Variants in GPHN observed in about 807,000 individuals in gnomAD.
GPHN encodes the protein gephyrin.
In GPHN, 17 loss-of-function variants were observed where a neutral mutation model predicts 95.5. That is an observed-to-expected ratio of 0.18 (90% CI 0.12 to 0.27). The LOEUF (loss-of-function observed/expected upper bound fraction) is 0.27, where lower values mean the gene tolerates loss of function less well. GPHN is among the 10% of genes least tolerant of loss of function. The pLI is 1.00. For synonymous variants in GPHN, 320 were observed against 322.5 expected (o/e 0.99, Z 0.08); for missense variants, 660 against 978.1 (o/e 0.67, Z 4.34).
the GPHN span, among the ~76,000 whole-genome samples, chr14:67,566,745 T>C: frequency 2.7e-5 from 3 of 110,214 alleles, no homozygotes; most frequent in African/African-American, 1.1e-4. Context: ...CCAGACCCTG[T>C]CTTGAAAAAA....
chr14:66,623,891 G>C (rs1472912059), intron 1 of GPHN, among the ~76,000 whole-genome samples: 1 of 152,144 alleles, frequency 6.6e-6, no homozygotes, highest in African/African-American at 2.4e-5. Context: ...TGAAGGGGAA[G>C]AGCTACCGTA....
chr14:66,884,046 T>C (rs2064059394), intron 5 of GPHN, among the ~76,000 whole-genome samples: 1 of 152,088 alleles, frequency 6.6e-6, no homozygotes, highest in Admixed American at 6.6e-5. Context: ...TTTGCAATTA[T>C]GTAGTTGTAC....
At chr14:67,719,372 T>C in the GPHN span, among the ~76,000 whole-genome samples, 19,231 of 152,282 alleles carry the variant, frequency 0.13, 1,481 homozygotes, top group South Asian at 0.33. Flanking sequence ...AGACAGGATG[T>C]AAGCCATCAG....
chr14:67,600,423 A>G, the GPHN span: 3 of 523,212 alleles, frequency 5.7e-6, no homozygotes, highest in East Asian at 1.0e-4. Context: ...CGTCGGGGCA[A>G]TAGTTAAGTG....
chr14:67,586,081 G>C, the GPHN span: 2 of 1,613,836 alleles, frequency 1.2e-6, no homozygotes, highest in Non-Finnish European at 1.7e-6. Flanking sequence ...TTGATCTTCC[G>C]GATGGCTGCT....
At chr14:67,010,243 A>T (rs961017154) in intron 9 of GPHN, among the ~76,000 whole-genome samples, 1 of 151,940 alleles carries the variant, frequency 6.6e-6, no homozygotes, top group African/African-American at 2.4e-5. Context: ...GGAGTTCTAC[A>T]GATAATATAG....
At position 67,016,568 on chromosome 14, in the gene GPHN, T is replaced by G. The variant is rs545491335; in HGVS notation, c.964-7065T>G. ...ATTTCTCTGTCCCAGTGAATGGACC[T>G]GTCTTTTACCCACAAGATTCTCTCA... On this transcript the variant is annotated intron_variant, in intron 9 of 22. Transcript: ENST00000478722. 5.5e-3 allele frequency among the ~76,000 whole-genome samples: 841 copies of G among 152,276 alleles called. 10 individuals carry two copies. The highest frequency in any genetic ancestry group is 8.8e-3 in the Non-Finnish European group (600 of 67,980).
At chr14:67,673,866 G>A in the GPHN span, among the ~76,000 whole-genome samples, 1 of 152,042 alleles carries the variant, frequency 6.6e-6, no homozygotes, top group South Asian at 2.1e-4. Flanking sequence ...TTCAAAACAA[G>A]ACCACATCTA....
At chr14:67,691,308 G>A in the GPHN span, 2 of 1,086,476 alleles carry the variant, frequency 1.8e-6, no homozygotes, top group Non-Finnish European at 2.8e-6. Flanking sequence ...TTAGAAAGCT[G>A]CCTCACGCTC....
Position 66,922,808 on chromosome 14 carries a change from G to C in GPHN, c.599G>C (p.Ser200Thr). 1 of 1,612,144 alleles carries C rather than the reference G, an allele frequency of 6.2e-7. No homozygotes were observed. Among genetic ancestry groups the C allele is most frequent in the Admixed American group, 1.7e-5 (1 of 59,830 alleles). The change falls in exon 7 of 23, where the codon AGC becomes ACC. Residue 200 changes from serine to threonine, a missense_variant. By Grantham distance (58) the Ser-to-Thr change is moderately conservative (BLOSUM62 1). Around this residue, in one of 6 missense-constraint regions of GPHN, gnomAD observed 190 missense variants for 224.7 expected, o/e 0.85. Transcript: ENST00000478722. The stretch of plus-strand genomic sequence containing the variant: ...CCTCTTTCCCCTCCTCCTACTACCA[G>C]CCCCCATAAACAGACAGAAGACAAA... ...PPPLSPPPTT[S>T]PHKQTEDKGV...
the GPHN span, among the ~76,000 whole-genome samples, chr14:67,478,342 C>A: frequency 1.3e-5 from 2 of 152,208 alleles, no homozygotes; most frequent in Admixed American, 1.3e-4. Context: ...TAACTCCCAC[C>A]CTTACCACCT....
the GPHN span, chr14:67,578,344 G>A: frequency 1.2e-6 from 1 of 802,020 alleles, no homozygotes; most frequent in Non-Finnish European, 2.0e-6. This position sits in a 1 kb window ranked among gnomAD's most constrained non-coding sequence, Gnocchi z 5.0. Context: ...CAGTACGGCT[G>A]AGCTGTCTAT....
chr14:67,390,564 G>A, the GPHN span: 2 of 837,390 alleles, frequency 2.4e-6, no homozygotes, highest in African/African-American at 1.6e-5. Context: ...GGGTGCCAGG[G>A]GAAGGCAGGA....
the GPHN span, among the ~76,000 whole-genome samples, chr14:67,323,233 G>GTA: frequency 0.02 from 295 of 14,920 alleles, 1 homozygote; most frequent in African/African-American, 0.025. Context: ...ATATATACAC[G>GTA]TGTGTGTGTG....
At chr14:67,438,126 T>C in the GPHN span, among the ~76,000 whole-genome samples, 1 of 152,118 alleles carries the variant, frequency 6.6e-6, no homozygotes, top group African/African-American at 2.4e-5. Flanking sequence ...CTTCAAGCCA[T>C]GTTGGCAAAG....
intron 17 of GPHN, among the ~76,000 whole-genome samples, chr14:67,141,307 A>T (rs548970253): frequency 3.7e-4 from 57 of 152,236 alleles, no homozygotes; most frequent in Non-Finnish European, 4.4e-5. Flanking sequence ...TTTCATATTT[A>T]GCTCTGTGAA....
chr14:66,556,004 T>C (rs1178657053), intron 1 of GPHN, among the ~76,000 whole-genome samples: 2 of 152,194 alleles, frequency 1.3e-5, no homozygotes, highest in Non-Finnish European at 2.9e-5. Context: ...ACACCTAGGC[T>C]ATATGTTATA....
chr14:67,217,486 T>A, the GPHN span, among the ~76,000 whole-genome samples: 7 of 152,322 alleles, frequency 4.6e-5, no homozygotes, highest in South Asian at 1.5e-3. Flanking sequence ...TATCATTTGC[T>A]CCTTACTTCT....
the GPHN span, among the ~76,000 whole-genome samples, chr14:67,461,994 C>A: frequency 3.3e-5 from 5 of 152,214 alleles, no homozygotes; most frequent in Admixed American, 3.3e-4. Flanking sequence ...AGTGGGCAAG[C>A]CAGGGAGGCT....
Sources: gnomAD v4.1 joint callset for allele counts (sites outside exome capture counted in the v4.1 genomes callset) on GRCh38, gnomAD v4.1.1 for gene constraint, gnomAD v4.1.1 regional missense constraint, Gnocchi (gnomAD v3.1) non-coding constraint, MANE v1.5 for transcripts, NCBI Gene and HGNC (gene_info 2026-07-23, HGNC 2026-07-21) for gene names.